ANO10: variants seen among roughly 807,000 people sequenced by gnomAD.
ANO10 encodes the protein anoctamin-10.
In ANO10, 77 loss-of-function variants were observed where a neutral mutation model predicts 74.7. The ratio of observed to expected loss-of-function variants is 1.03; its 90% CI spans 0.86 to 1.25. The LOEUF is 1.25. Ranked by LOEUF, ANO10 falls within the 50% of genes most tolerant of loss-of-function variation. The probability of loss-of-function intolerance (pLI) is 0.00; values close to 1 mark genes in which losing one functional copy is unlikely to be tolerated. For synonymous variants in ANO10, 279 were observed against 284.9 expected (o/e 0.98, Z 0.21); for missense variants, 721 against 778.1 (o/e 0.93, Z 0.87).
chr3:43,523,151 T>G (rs575427980), intron 11 of ANO10, among the ~76,000 whole-genome samples: 3 of 152,282 alleles, frequency 2.0e-5, no homozygotes, highest in East Asian at 1.9e-4. Context: ...TATTCAAACC[T>G]GTCAACTTAA....
intron 4 of ANO10, among the ~76,000 whole-genome samples, chr3:43,585,914 T>A (rs538124371): frequency 1.3e-5 from 2 of 151,998 alleles, no homozygotes; most frequent in Non-Finnish European, 2.9e-5. Flanking sequence ...GATGCCAAAT[T>A]AAAAACAAAA....
intron 12 of ANO10, among the ~76,000 whole-genome samples, chr3:43,416,811 T>C (rs2092745420): frequency 6.6e-6 from 1 of 152,226 alleles, no homozygotes; most frequent in Non-Finnish European, 1.5e-5. Context: ...AGTTTAGAGA[T>C]TATTGTCAAT....
chr3:43,444,283 T>C (rs2093207932), intron 11 of ANO10, among the ~76,000 whole-genome samples: 1 of 152,170 alleles, frequency 6.6e-6, no homozygotes, highest in African/African-American at 2.4e-5. Context: ...GCAATTTACA[T>C]GTGTTAAAGT....
chr3:43,657,701 G>T (rs1355852410), intron 1 of ANO10, among the ~76,000 whole-genome samples: 1 of 152,170 alleles, frequency 6.6e-6, no homozygotes, highest in Non-Finnish European at 1.5e-5. Flanking sequence ...GATAGCCTTT[G>T]TTCTGGCCCT....
At chr3:43,479,663 C>T (rs1320640348) in intron 11 of ANO10, among the ~76,000 whole-genome samples, 2 of 152,184 alleles carry the variant, frequency 1.3e-5, no homozygotes, top group East Asian at 3.8e-4. Flanking sequence ...ATACTGGGAC[C>T]TGGAGACCTG....
chr3:43,453,181 T>TCCA (rs1559559056), intron 11 of ANO10, among the ~76,000 whole-genome samples: 5 of 58,172 alleles, frequency 8.6e-5, no homozygotes, highest in Non-Finnish European at 2.5e-4. Context: ...TTTTCCCCCT[T>TCCA]TTTTTTTTTT....
chr3:43,494,442 A>G (rs1209802046), intron 11 of ANO10, among the ~76,000 whole-genome samples: 3 of 152,196 alleles, frequency 2.0e-5, no homozygotes, highest in Admixed American at 6.5e-5. Flanking sequence ...AACAAGAGCG[A>G]AACTCCATCT....
At chr3:43,659,769 C>A (rs772248305) in intron 1 of ANO10, among the ~76,000 whole-genome samples, 1 of 152,216 alleles carries the variant, frequency 6.6e-6, no homozygotes, top group Non-Finnish European at 1.5e-5. Flanking sequence ...GACTAAACTG[C>A]CTCCTCAAGT....
chr3:43,644,713 C>A (rs572320530), intron 1 of ANO10, among the ~76,000 whole-genome samples: 53 of 152,360 alleles, frequency 3.5e-4, no homozygotes, highest in African/African-American at 1.2e-3. Flanking sequence ...CTGCAGTGTG[C>A]TCTCCATAAC....
At chr3:43,633,009 T>A in intron 1 of ANO10, among the ~76,000 whole-genome samples, 1 of 152,214 alleles carries the variant, frequency 6.6e-6, no homozygotes, top group East Asian at 1.9e-4. Context: ...CGCATCACGT[T>A]TAAAATGCCT....
At chr3:43,407,455 C>T (rs920419725) in intron 12 of ANO10, among the ~76,000 whole-genome samples, 1 of 152,216 alleles carries the variant, frequency 6.6e-6, no homozygotes, top group African/African-American at 2.4e-5. Flanking sequence ...ACTTCTCTGA[C>T]TCCCAGGGAC....
intron 1 of ANO10, among the ~76,000 whole-genome samples, chr3:43,658,455 ATATTATTATTAT>A (rs555639307): frequency 6.6e-5 from 10 of 150,766 alleles, no homozygotes; most frequent in Admixed American, 6.6e-4. Context: ...ACCAAAGTTT[ATATTATTATTAT>A]TATTATTATT....
chr3:43,402,643 G>A (rs2092504105), intron 12 of ANO10, among the ~76,000 whole-genome samples: 2 of 152,018 alleles, frequency 1.3e-5, no homozygotes, highest in South Asian at 4.1e-4. Context: ...CCCTTCTTCT[G>A]TGCCCTTGGT....
chr3:43,407,261 A>G lies in ANO10; in HGVS notation c.1914+25350T>C, dbSNP rs1024330105. 1.1e-4 allele frequency among the ~76,000 whole-genome samples: 16 copies of G among 152,114 alleles called. 1 individual carries two copies. Among genetic ancestry groups the G allele is most frequent in the African/African-American group, 3.9e-4 (16 of 41,404 alleles). On this transcript the variant is annotated intron_variant, in intron 12 of 12. Transcript: ENST00000292246. ...ACCTTGTCCATTTAATGATGAGAAT[A>G]CCAAATCAAAAGTTACCAGACTTGC...
At position 43,478,190 on chromosome 3, in the gene ANO10, T is replaced by A. The variant is rs544890623; in HGVS notation, c.1798-45463A>T. Among the ~76,000 whole-genome samples the A allele has an allele frequency of 3.9e-5, 6 of 152,308 alleles. No homozygotes were observed. The South Asian group carries it at 8.3e-4, about 21-fold the overall frequency. ...TAGTGAGCTGTCTATACAAGCCACA[T>A]GGAGTGAGGTTCTGGAGATGGAAGT... On this transcript the variant is annotated intron_variant, in intron 11 of 12. Coordinates refer to ENST00000292246, the MANE Select transcript of ANO10 (RefSeq NM_018075.5).
chr3:43,560,239 T>C (rs911296177), intron 9 of ANO10, among the ~76,000 whole-genome samples: 1 of 152,140 alleles, frequency 6.6e-6, no homozygotes, highest in Non-Finnish European at 1.5e-5. Context: ...AAAATCCTCA[T>C]CACCACCACA....
intron 11 of ANO10, among the ~76,000 whole-genome samples, chr3:43,516,209 T>C (rs925271429): frequency 3.9e-5 from 6 of 152,132 alleles, no homozygotes; most frequent in Non-Finnish European, 4.4e-5. Flanking sequence ...AACTTCAACA[T>C]GTTATGGGAG....
intron 1 of ANO10, among the ~76,000 whole-genome samples, chr3:43,666,605 A>G (rs2083995638): frequency 1.3e-5 from 2 of 152,286 alleles, no homozygotes; most frequent in South Asian, 4.1e-4. Context: ...GATATCTATC[A>G]ATATTCTCAG....
intron 12 of ANO10, among the ~76,000 whole-genome samples, chr3:43,400,027 C>A (rs570160139): frequency 2.6e-5 from 4 of 152,144 alleles, no homozygotes; most frequent in Admixed American, 6.5e-5. Context: ...CTGGCTGTAT[C>A]TAAAGAGGGT....
Sources: allele counts gnomAD v4.1 joint callset (sites outside exome capture counted in the v4.1 genomes callset), GRCh38; gene constraint gnomAD v4.1.1; transcripts MANE v1.5; gene names NCBI Gene and HGNC (gene_info 2026-07-23, HGNC 2026-07-21).